The following ELK1 variants were observed in gnomAD, a reference collection of about 807,000 sequenced individuals.
ELK1 encodes ETS transcription factor ELK1.
For missense variants in ELK1, 254 were observed against 381.5 expected, an observed-to-expected ratio of 0.67 and a Z score of 2.78; for synonymous variants, 163 against 176.3, an observed-to-expected ratio of 0.92 and a Z score of 0.60.
At chrX:47,644,036 T>C (rs1385238940) in intron 2 of ELK1, among the ~76,000 whole-genome samples, 2 of 112,300 alleles carry the variant, frequency 1.8e-5, no homozygotes, top group Non-Finnish European at 3.8e-5. Context: ...TGTTCAATTA[T>C]ACAAGTCACA....
upstream of ELK1, chrX:47,650,594 G>T (rs1191580851): frequency 3.7e-6 from 1 of 267,527 alleles, no homozygotes; most frequent in African/African-American, 3.0e-5. Context: ...TACAGCTCAC[G>T]TGGGCCCGAG....
intron 1 of ELK1, among the ~76,000 whole-genome samples, 161 bp from the exon 2 acceptor site, chrX:47,650,187 A>G (rs1309574731): frequency 9.1e-6 from 1 of 109,921 alleles, no homozygotes; most frequent in African/African-American, 3.3e-5. Context: ...GGGGAAAAAC[A>G]TAAGCACGCA....
intron 2 of ELK1, among the ~76,000 whole-genome samples, chrX:47,648,690 G>C (rs2058050702): frequency 8.9e-6 from 1 of 112,237 alleles, no homozygotes. Context: ...ACAGTAAGGG[G>C]GTGGGAAGGT....
At position 47,636,903 on chromosome X, in the gene ELK1, C is replaced by T; in HGVS notation, c.1213G>A (p.Val405Met). 1 of 1,176,046 alleles carries T rather than the reference C, an allele frequency of 8.5e-7. No individual in the cohort carries two copies. The highest frequency in any genetic ancestry group is 1.1e-6 in the Non-Finnish European group (1 of 877,136). The change falls in exon 7 of 7, where the codon GTG becomes ATG. Residue 405 changes from valine to methionine, a missense_variant. Physicochemically the swap from Val to Met is conservative, Grantham distance 21. Transcript: ENST00000376983. ...TCCACGCTGATAGAAGGGATGTGCACCTGGGCGCTGCCACTGGATGGAAAC... is the reference window on the plus strand; with the variant it reads ...TCCACGCTGATAGAAGGGATGTGCATCTGGGCGCTGCCACTGGATGGAAAC... ...FQFPSSGSAQ[V>M]HIPSISVDGL...
At chrX:47,647,350 TG>T (rs912256552) in intron 2 of ELK1, among the ~76,000 whole-genome samples, 1 of 110,627 alleles carries the variant, frequency 9.0e-6, no homozygotes, top group Non-Finnish European at 1.9e-5. Flanking sequence ...TTAGTAGAGA[TG>T]GGGTTTCACC....
rs778250617 is a variant in ELK1, at chrX:47,638,110, C to A, written c.727G>T (p.Ala243Ser). The part of the protein sequence containing the change: ...ELNVEPGLGR[A>S]LPPEVKVEGP... The stretch of plus-strand genomic sequence containing the variant: ...TCTACTTTCACTTCTGGGGGCAAAG[C>A]CCGGCCCAAACCCGGCTCCACATTA... Residue 243 changes from alanine (A) to serine (S), a missense_variant, in exon 5 of 7, where the codon GCT (alanine) becomes TCT (serine). By Grantham distance (99) the Ala-to-Ser change is moderately conservative (BLOSUM62 1). Coordinates refer to ENST00000376983, the MANE Select transcript of ELK1 (RefSeq NM_001114123.3). The A allele has an allele frequency of 5.8e-6, 7 of 1,210,959 alleles. No individual in the cohort carries two copies. The highest frequency in any genetic ancestry group is 2.2e-5 in the Admixed American group (1 of 46,093).
At chrX:47,640,207 A>G (rs2058023947) in intron 3 of ELK1, among the ~76,000 whole-genome samples, 2 of 111,577 alleles carry the variant, frequency 1.8e-5, no homozygotes, top group South Asian at 3.8e-4. Context: ...GTGTTCCCAG[A>G]GGGCAGAGTG....
chrX:47,648,447 T>G (rs1046382971), intron 2 of ELK1, among the ~76,000 whole-genome samples: 1 of 112,788 alleles, frequency 8.9e-6, no homozygotes, highest in Non-Finnish European at 1.9e-5. Context: ...ATATATAAAC[T>G]GGCATTCTTA....
intron 2 of ELK1, among the ~76,000 whole-genome samples, chrX:47,643,748 C>T (rs777602009): frequency 2.7e-4 from 30 of 110,426 alleles, no homozygotes; most frequent in Admixed American, 4.8e-4. Flanking sequence ...TATCCCTGAT[C>T]ATGCCTCTGA....
intron 2 of ELK1, among the ~76,000 whole-genome samples, chrX:47,647,168 T>G (rs1004614025): frequency 2.9e-5 from 3 of 103,574 alleles, no homozygotes; most frequent in Admixed American, 1.0e-4. Context: ...GGGTTTTTTT[T>G]TTTTTTTTTT....
chrX:47,646,124 GT>G (rs1467521379), intron 2 of ELK1, among the ~76,000 whole-genome samples: 1 of 109,493 alleles, frequency 9.1e-6, no homozygotes, highest in Non-Finnish European at 1.9e-5. Flanking sequence ...TTTTTTTTTT[GT>G]TTTTACAAGT....
chrX:47,649,159 T>C (rs1253623854), intron 2 of ELK1: 1 of 111,543 alleles, frequency 9.0e-6, no homozygotes, highest in Non-Finnish European at 1.9e-5. Context: ...TATGAAACAC[T>C]CTGCCTGATA....
rs1256385762 is a variant in ELK1, at chrX:47,641,105, T to C, written c.210+127A>G. ...CCCAATACTGGTCTTAGGGTACCAA[T>C]GGATGGGTTAAAAACTGATAAATTT... On this transcript the variant is annotated intron_variant, in intron 3 of 6. Coordinates refer to ENST00000376983, the MANE Select transcript of ELK1 (RefSeq NM_001114123.3). 1.4e-5 allele frequency: 11 copies of C among 791,038 alleles called. No homozygotes were observed. In the Admixed American group the frequency reaches 1.9e-4, roughly 14 times the overall value. The allele number at this position is 791,038 out of a possible 1,213,427, so 65.2% of individuals were successfully genotyped here.
At position 47,636,627 on chromosome X, in the gene ELK1, CAG is replaced by C. The variant is rs973306344; in HGVS notation, c.*200_*201del. On this transcript the variant is annotated 3_prime_UTR_variant, in exon 7 of 7. Transcript: ENST00000376983. The stretch of plus-strand genomic sequence containing the variant: ...CGGCCACTGGGGGACTGACAGAAAA[CAG>C]AGAAGTTGTGGAAGCTGTGTGTTTT... 121 of 395,437 alleles carry C rather than the reference CAG, an allele frequency of 3.1e-4. 1 individual carries two copies. The highest frequency in any genetic ancestry group is 2.8e-3 in the African/African-American group (111 of 39,599). The allele number at this position is 395,437 out of a possible 1,213,427, so 32.6% of individuals were successfully genotyped here.
chrX:47,650,279 A>T, intron 1 of ELK1, 144 bp downstream of exon 1: 1 of 212,519 alleles, frequency 4.7e-6, no homozygotes, highest in Non-Finnish European at 8.8e-6. Flanking sequence ...GAGCAATGCC[A>T]CACGCAGGTC....
chrX:47,649,778 G>A (rs2058053861), intron 2 of ELK1, 143 bp downstream of exon 2: 1 of 98,269 alleles, frequency 1.0e-5, no homozygotes, highest in South Asian at 5.5e-4. Flanking sequence ...GATAGCTAAA[G>A]GGACGTGAAT....
chrX:47,637,216 C>T, intron 5 of ELK1, 102 bp from the exon 6 acceptor site: 1 of 796,101 alleles, frequency 1.3e-6, no homozygotes, highest in Non-Finnish European at 1.9e-6. Flanking sequence ...CACTCACACT[C>T]CCAGGGTCAC....
In ELK1 at chrX:47,641,301, C is replaced by T. The variant is rs2227997; in HGVS notation, c.141G>A (p.Gly47=). The change falls in exon 3 of 7, where the codon GGG becomes GGA. Residue 47 remains glycine, a synonymous_variant. Coordinates refer to ENST00000376983, the MANE Select transcript of ELK1 (RefSeq NM_001114123.3). The stretch of plus-strand genomic sequence containing the variant: ...TCATGTTGGTCTTGTTCTTGCGTAG[C>T]CCCCACAGCCGGGCCACCTCCTCTG... ...VDAEEVARLW[G]LRKNKTNMNY... The T allele has an allele frequency of 0.02, 24,435 of 1,209,871 alleles. 1,820 individuals are homozygous for T. The African/African-American group carries it at 0.28, about 14-fold the overall frequency.
intron 3 of ELK1, among the ~76,000 whole-genome samples, chrX:47,640,855 C>A (rs892823013): frequency 1.8e-5 from 2 of 112,170 alleles, no homozygotes; most frequent in Middle Eastern, 4.6e-3. Flanking sequence ...AAGCCCAGCA[C>A]TGGTCCAGGG....
Sources: allele counts gnomAD v4.1 joint callset (sites outside exome capture counted in the v4.1 genomes callset), GRCh38; gene constraint gnomAD v4.1.1; transcripts MANE v1.5; gene names NCBI Gene and HGNC (gene_info 2026-07-23, HGNC 2026-07-21).